Variants in MYOF observed in about 807,000 individuals in gnomAD.
The protein encoded by MYOF is myoferlin, also known as fer-1-like 3, myoferlin.
MYOF carries 244 observed loss-of-function variants against 284.2 expected under a neutral mutation model. The ratio of observed to expected loss-of-function variants is 0.86; its 90% CI spans 0.77 to 0.95. The LOEUF is 0.95. Among genes scored for constraint, MYOF ranks in the 40% least tolerant of loss-of-function variants. The pLI is 0.00. For synonymous variants in MYOF, 904 were observed against 919.7 expected, an observed-to-expected ratio of 0.98 and a Z score of 0.31; for missense variants, 2,496 against 2,560.6, an observed-to-expected ratio of 0.97 and a Z score of 0.54.
rs138541187 is a variant in MYOF at position 93,374,036 on chromosome 10, G to A, written c.2301+727C>T. ...GCCCCCTATCCCGCTGACAGGCCCC[G>A]GTGTGTGATGTTCCCCACCCTGTGT... On this transcript the variant is annotated intron_variant, in intron 23 of 53. Coordinates refer to ENST00000359263, the MANE Select transcript of MYOF (RefSeq NM_013451.4). Among the ~76,000 whole-genome samples, 251 of 152,098 alleles carry A rather than the reference G, an allele frequency of 1.7e-3. 1 individual carries two copies. Among genetic ancestry groups the A allele is most frequent in the Non-Finnish European group, 2.9e-3 (195 of 67,980 alleles).
At chr10:93,477,349 G>A (rs918117923) in intron 1 of MYOF, among the ~76,000 whole-genome samples, 3 of 151,812 alleles carry the variant, frequency 2.0e-5, no homozygotes, top group Admixed American at 6.6e-5. Flanking sequence ...AAAATTAGCC[G>A]GGTGTGGTGG....
At position 93,306,633 on chromosome 10, in the gene MYOF, C is replaced by T. The variant is rs1589361030; in HGVS notation, c.*330G>A. 3.7e-6 allele frequency: 1 copy of T among 272,528 alleles called. No homozygotes were observed. Among genetic ancestry groups the T allele is most frequent in the Non-Finnish European group, 6.8e-6 (1 of 147,170 alleles). The allele number at this position is 272,528 out of a possible 1,614,324, so 16.9% of individuals were successfully genotyped here. A position where few individuals can be genotyped will look rare whatever the true frequency, so the allele number is the denominator to read the frequency against. ...GCAGAGATTTTTGAATTCTATTTAG[C>T]AATTTCCAAAAGCTGAAGTCTAGAA... On this transcript the variant is annotated 3_prime_UTR_variant, in exon 54 of 54. Coordinates refer to ENST00000359263, the MANE Select transcript of MYOF (RefSeq NM_013451.4).
At chr10:93,339,367 TTGTGTGTG>T (rs35070199) in intron 39 of MYOF, among the ~76,000 whole-genome samples, 26 of 150,336 alleles carry the variant, frequency 1.7e-4, no homozygotes, top group African/African-American at 5.6e-4. Context: ...TGCTTCTTAT[TTGTGTGTG>T]TGTGTGTGTG....
chr10:93,469,292 T>G (rs1448475907), intron 1 of MYOF, among the ~76,000 whole-genome samples: 1 of 151,952 alleles, frequency 6.6e-6, no homozygotes, highest in Non-Finnish European at 1.5e-5. Flanking sequence ...TCCCAGCTAC[T>G]TGGGAGGCTG....
chr10:93,441,548 C>T (rs1314184604), intron 3 of MYOF, among the ~76,000 whole-genome samples: 3 of 148,794 alleles, frequency 2.0e-5, no homozygotes, highest in African/African-American at 2.5e-5. Flanking sequence ...CCATGCCTGG[C>T]TAATTTTTGT....
chr10:93,407,164 G>A (rs1847635236), intron 7 of MYOF, among the ~76,000 whole-genome samples: 1 of 152,142 alleles, frequency 6.6e-6, no homozygotes, highest in African/African-American at 2.4e-5. Flanking sequence ...AGTGGCTCAT[G>A]CCTGTAATCC....
At chr10:93,405,624 T>A (rs993560402) in intron 7 of MYOF, among the ~76,000 whole-genome samples, 12 of 152,276 alleles carry the variant, frequency 7.9e-5, no homozygotes, top group African/African-American at 2.6e-4. Flanking sequence ...TCTAGATTTG[T>A]GTGAATGTTT....
chr10:93,462,878 C>T (rs2056917739), intron 1 of MYOF, among the ~76,000 whole-genome samples: 1 of 151,740 alleles, frequency 6.6e-6, no homozygotes, highest in African/African-American at 2.4e-5. Context: ...AATTGAATTA[C>T]AGGAAACTCC....
intron 19 of MYOF, among the ~76,000 whole-genome samples, chr10:93,386,343 G>A (rs1225582373): frequency 5.3e-5 from 8 of 152,134 alleles, no homozygotes; most frequent in Non-Finnish European, 1.0e-4. Flanking sequence ...GGACTTCAGA[G>A]TGGGTAATGT....
chr10:93,333,866 G>A lies in MYOF; in HGVS notation c.4611C>T (p.Ala1537=). ...YPLPDDPSVP[A]PPRQFRELPD... ...GTAATTCCCGAAACTGTCTGGGAGG[G>A]GCTGGCACGCTGGGGTCATCCGGCA... Residue 1537 remains alanine, a synonymous_variant, in exon 42 of 54, where the codon GCC becomes GCT. Coordinates refer to ENST00000359263, the MANE Select transcript of MYOF (RefSeq NM_013451.4). 6.2e-7 allele frequency: 1 copy of A among 1,614,064 alleles called. No individual in the cohort carries two copies. Among genetic ancestry groups the A allele is most frequent in the Non-Finnish European group, 8.5e-7 (1 of 1,180,036 alleles).
intron 38 of MYOF, 78 bp from the exon 39 acceptor site, chr10:93,340,242 GAAGTTTA>G: frequency 6.7e-7 from 1 of 1,497,628 alleles, no homozygotes; most frequent in Non-Finnish European, 9.2e-7. Flanking sequence ...CCAGGAACAT[GAAGTTTA>G]AAGAGAAAGA....
rs1052480480 is a variant in MYOF at position 93,321,865 on chromosome 10, T to C, written c.5456+1213A>G. On this transcript the variant is annotated intron_variant, in intron 48 of 53. Transcript: ENST00000359263. ...TGTCTAGCACTAGGCATGGTATTTA[T>C]GCACGATTCATCTTTTCACATGTCG... 2.0e-5 allele frequency among the ~76,000 whole-genome samples: 3 copies of C among 152,366 alleles called. No individual in the cohort carries two copies. In the South Asian group the frequency reaches 6.2e-4, roughly 32 times the overall value.
chr10:93,450,162 G>C (rs1382919210), intron 3 of MYOF, among the ~76,000 whole-genome samples: 1 of 152,136 alleles, frequency 6.6e-6, no homozygotes, highest in Non-Finnish European at 1.5e-5. Flanking sequence ...GGGAAGCCGA[G>C]GCAGGCAGAT....
chr10:93,380,579 C>T (rs1372031598), intron 20 of MYOF, among the ~76,000 whole-genome samples: 5 of 152,202 alleles, frequency 3.3e-5, no homozygotes, highest in Non-Finnish European at 5.9e-5. Flanking sequence ...CTTCTCTGTA[C>T]TCTCAAACCA....
intron 1 of MYOF, among the ~76,000 whole-genome samples, chr10:93,473,398 C>CTA (rs1457945515): frequency 6.6e-6 from 1 of 152,230 alleles, no homozygotes; most frequent in Admixed American, 6.5e-5. Flanking sequence ...TTTCTCTGAG[C>CTA]TATCTCATGC....
chr10:93,366,674 G>A, intron 25 of MYOF, 119 bp from the exon 26 acceptor site: 1 of 820,014 alleles, frequency 1.2e-6, no homozygotes, highest in Non-Finnish European at 1.9e-6. Flanking sequence ...GCAGAAAAAA[G>A]CTTTATGCTC....
chr10:93,335,769 G>T, intron 41 of MYOF, 152 bp downstream of exon 41: 2 of 939,634 alleles, frequency 2.1e-6, no homozygotes, highest in Non-Finnish European at 3.1e-6. Context: ...CTAGACCCTG[G>T]TTGTCCTTTA....
intron 17 of MYOF, among the ~76,000 whole-genome samples, chr10:93,392,384 A>T (rs1158881847): frequency 6.6e-6 from 1 of 152,212 alleles, no homozygotes; most frequent in African/African-American, 2.4e-5. Context: ...CCCTAGGAGA[A>T]TTGTGATGGT....
chr10:93,373,903 C>G (rs1187347446), intron 23 of MYOF, among the ~76,000 whole-genome samples: 1 of 152,134 alleles, frequency 6.6e-6, no homozygotes, highest in Non-Finnish European at 1.5e-5. Flanking sequence ...GGTACATGTG[C>G]ACAATGTGCA....
Sources: allele counts gnomAD v4.1 joint callset (sites outside exome capture counted in the v4.1 genomes callset), GRCh38; gene constraint gnomAD v4.1.1; transcripts MANE v1.5; gene names NCBI Gene and HGNC (gene_info 2026-07-23, HGNC 2026-07-21).